The following CEP128 variants were observed in gnomAD, a reference collection of about 807,000 sequenced individuals.
CEP128 encodes centrosomal protein 128, also known as centrosomal protein 128kDa.
CEP128 carries 132 observed loss-of-function variants against 156.7 expected under a neutral mutation model. The ratio of observed to expected loss-of-function variants is 0.84; its 90% CI spans 0.73 to 0.97. CEP128 has a LOEUF of 0.97. CEP128 is among the 50% of genes least tolerant of loss of function. The pLI, the probability that CEP128 is intolerant of heterozygous loss-of-function variation, is 0.00. For synonymous variants in CEP128, 469 were observed against 448.9 expected, an observed-to-expected ratio of 1.04 and a Z score of -0.57; for missense variants, 1,252 against 1,281.9, an observed-to-expected ratio of 0.98 and a Z score of 0.36.
chr14:80,566,421 C>T (rs1487538053), intron 20 of CEP128, among the ~76,000 whole-genome samples: 2 of 151,860 alleles, frequency 1.3e-5, no homozygotes, highest in Non-Finnish European at 2.9e-5. Context: ...GTATTCTTTG[C>T]CAAACTTTAA....
intron 20 of CEP128, among the ~76,000 whole-genome samples, chr14:80,578,157 T>G (rs977502103): frequency 6.6e-6 from 1 of 152,184 alleles, no homozygotes; most frequent in South Asian, 2.1e-4. Context: ...TTATAAACAC[T>G]GATTTTTATA....
chr14:80,903,179 G>A (rs1883680556), intron 6 of CEP128, among the ~76,000 whole-genome samples: 1 of 151,980 alleles, frequency 6.6e-6, no homozygotes, highest in African/African-American at 2.4e-5. Context: ...TACGAACAGA[G>A]GAGAAAACCC....
chr14:80,728,894 A>T (rs1175368696), intron 19 of CEP128, among the ~76,000 whole-genome samples: 2 of 152,124 alleles, frequency 1.3e-5, no homozygotes, highest in South Asian at 4.2e-4. Flanking sequence ...TTCCTCTTTT[A>T]ACAGTTTTGT....
chr14:80,565,250 C>T (rs960429584), intron 20 of CEP128, among the ~76,000 whole-genome samples: 8 of 152,010 alleles, frequency 5.3e-5, no homozygotes, highest in African/African-American at 1.9e-4. Flanking sequence ...GTAATCTGGC[C>T]CAACCAGTTC....
chr14:80,501,563 G>C (rs1340899926), intron 24 of CEP128, among the ~76,000 whole-genome samples: 1 of 151,206 alleles, frequency 6.6e-6, no homozygotes. Context: ...GGAGTGCAGT[G>C]GCGTGATCTT....
chr14:80,702,434 T>C (rs1484356533), intron 19 of CEP128, among the ~76,000 whole-genome samples: 2 of 152,180 alleles, frequency 1.3e-5, no homozygotes, highest in African/African-American at 2.4e-5. Context: ...CATATTCTTA[T>C]TGTCACCCTT....
At chr14:80,601,578 C>T (rs1457956674) in intron 19 of CEP128, among the ~76,000 whole-genome samples, 1 of 152,130 alleles carries the variant, frequency 6.6e-6, no homozygotes, top group Non-Finnish European at 1.5e-5. Flanking sequence ...GATGGTATAG[C>T]CTACTGTACA....
At chr14:80,705,509 A>G (rs550439430) in intron 19 of CEP128, among the ~76,000 whole-genome samples, 1 of 152,076 alleles carries the variant, frequency 6.6e-6, no homozygotes, top group Non-Finnish European at 1.5e-5. Flanking sequence ...AATCTTCAAC[A>G]CTTCCTCCAT....
chr14:80,924,028 G>T (rs914503535), intron 2 of CEP128, among the ~76,000 whole-genome samples: 1 of 152,150 alleles, frequency 6.6e-6, no homozygotes, highest in South Asian at 2.1e-4. Context: ...CACCATGATT[G>T]TAAGTTTCCT....
chr14:80,519,773 T>C (rs1010148461), intron 23 of CEP128, among the ~76,000 whole-genome samples: 20 of 152,204 alleles, frequency 1.3e-4, no homozygotes, highest in African/African-American at 4.8e-4. Flanking sequence ...TACCCATCTT[T>C]CCATCTACTC....
intron 13 of CEP128, chr14:80,822,829 C>T: frequency 2.8e-6 from 2 of 726,216 alleles, no homozygotes; most frequent in Non-Finnish European, 5.1e-6. Context: ...GTGTAAACTT[C>T]TGTTGACTGC....
At chr14:80,551,669 A>G in intron 21 of CEP128, among the ~76,000 whole-genome samples, 1 of 152,194 alleles carries the variant, frequency 6.6e-6, no homozygotes, top group East Asian at 1.9e-4. Flanking sequence ...ATGATTTCTT[A>G]TCAACACTCT....
chr14:80,777,843 A>G, intron 16 of CEP128, 39 bp downstream of exon 16: 1 of 1,397,680 alleles, frequency 7.2e-7, no homozygotes, highest in South Asian at 1.2e-5. Context: ...ATTAAAATTG[A>G]AATTAGAATT....
At chr14:80,493,171 C>T (rs982730762), downstream of CEP128, among the ~76,000 whole-genome samples, 2 of 152,172 alleles carry the variant, frequency 1.3e-5, no homozygotes, top group Non-Finnish European at 2.9e-5. Flanking sequence ...AAAAGATAGA[C>T]TTTGCAGGAC....
chr14:80,730,607 CA>C (rs1376629245), intron 19 of CEP128, among the ~76,000 whole-genome samples: 1 of 152,100 alleles, frequency 6.6e-6, no homozygotes, highest in Non-Finnish European at 1.5e-5. Flanking sequence ...TTCATGACCA[CA>C]AAAGTGTAAG....
At position 80,595,320 on chromosome 14, in the gene CEP128, A is replaced by T. The variant is rs1892267000; in HGVS notation, c.2807-14897T>A. ...GGAACATCACATACTGGGGCCTGTC[A>T]GGGGGTGGGAGGACTAGGGGAAGGA... On this transcript the variant is annotated intron_variant, in intron 19 of 24. Transcript: ENST00000555265. Among the ~76,000 whole-genome samples, 3 of 152,080 alleles carry T rather than the reference A, an allele frequency of 2.0e-5. No individual in the cohort carries two copies. In the South Asian group the frequency reaches 6.2e-4, roughly 32 times the overall value.
intron 14 of CEP128, among the ~76,000 whole-genome samples, chr14:80,786,456 G>A (rs1277080601): frequency 6.6e-6 from 1 of 152,166 alleles, no homozygotes; most frequent in East Asian, 1.9e-4. Flanking sequence ...ATACTTCAGT[G>A]TAAAACAATT....
chr14:80,804,425 G>A (rs1165886570), intron 13 of CEP128, among the ~76,000 whole-genome samples: 1 of 152,100 alleles, frequency 6.6e-6, no homozygotes, highest in East Asian at 1.9e-4. Flanking sequence ...TAACATTAAA[G>A]CTAATAAGTG....
At chr14:80,571,592 A>G (rs372875097) in intron 20 of CEP128, among the ~76,000 whole-genome samples, 1 of 152,354 alleles carries the variant, frequency 6.6e-6, no homozygotes, top group East Asian at 1.9e-4. Context: ...AGTAAAAAGT[A>G]TAAGAGGAGA....
Sources: allele counts gnomAD v4.1 joint callset (sites outside exome capture counted in the v4.1 genomes callset), GRCh38; gene constraint gnomAD v4.1.1; transcripts MANE v1.5; gene names NCBI Gene and HGNC (gene_info 2026-07-23, HGNC 2026-07-21).